Variants in SAMSN1 observed in about 807,000 individuals in gnomAD.
SAMSN1 encodes the protein SAM domain, SH3 domain and nuclear localization signals 1, also known as SAM domain-containing protein SAMSN-1.
A neutral mutation model predicts 42.0 loss-of-function variants in SAMSN1; 31 were observed. That is an observed-to-expected ratio of 0.74 (90% CI 0.55 to 1.00). SAMSN1 has a LOEUF of 1.00. Among genes scored for constraint, SAMSN1 ranks in the 50% least tolerant of loss-of-function variants. SAMSN1 has a pLI of 0.00. For synonymous variants in SAMSN1, 178 were observed against 151.9 expected (o/e 1.17, Z -1.26); for missense variants, 464 against 439.4 (o/e 1.06, Z -0.50).
At chr21:14,609,928 C>A (rs1401653876) in intron 4 of SAMSN1, among the ~76,000 whole-genome samples, 1 of 152,156 alleles carries the variant, frequency 6.6e-6, no homozygotes, top group Admixed American at 6.6e-5. Context: ...ATTTCCTATG[C>A]CTGTCTTTAC....
chr21:14,561,009 AAG>A (rs1980931216), intron 2 of SAMSN1, among the ~76,000 whole-genome samples: 1 of 152,188 alleles, frequency 6.6e-6, no homozygotes, highest in South Asian at 2.1e-4. Context: ...GAACACTGAT[AAG>A]ATAGACACAG....
intron 6 of SAMSN1, among the ~76,000 whole-genome samples, chr21:14,500,185 A>T (rs1987088017): frequency 6.6e-6 from 1 of 152,020 alleles, no homozygotes; most frequent in East Asian, 1.9e-4. Context: ...TCACTTTTTT[A>T]GACTTACTTT....
intron 1 of SAMSN1, among the ~76,000 whole-genome samples, chr21:14,582,653 A>G (rs1243895165): frequency 6.6e-6 from 1 of 152,134 alleles, no homozygotes; most frequent in Admixed American, 6.5e-5. Flanking sequence ...AAAGCAAGTT[A>G]TTTTGCTATA....
At chr21:14,488,329 C>A (rs1178384028) in intron 7 of SAMSN1, among the ~76,000 whole-genome samples, 1 of 152,138 alleles carries the variant, frequency 6.6e-6, no homozygotes, top group Non-Finnish European at 1.5e-5. Context: ...ACATTGATAT[C>A]CTAAACAAGA....
chr21:14,545,638 C>T (rs1398890971), intron 1 of SAMSN1, among the ~76,000 whole-genome samples: 1 of 151,960 alleles, frequency 6.6e-6, no homozygotes, highest in Admixed American at 6.6e-5. Flanking sequence ...TGTTTTGATG[C>T]TTCTCAAAAC....
upstream of SAMSN1, among the ~76,000 whole-genome samples, chr21:14,586,924 T>G (rs1981937139): frequency 6.6e-6 from 1 of 152,188 alleles, no homozygotes; most frequent in South Asian, 2.1e-4. Context: ...AAAGCTGGAA[T>G]TTCTGGAAGA....
intron 2 of SAMSN1, among the ~76,000 whole-genome samples, chr21:14,625,532 C>T (rs1466379521): frequency 6.6e-6 from 1 of 152,156 alleles, no homozygotes; most frequent in Non-Finnish European, 1.5e-5. Flanking sequence ...TTCACAATTG[C>T]TTCAAAGAGA....
rs1276615131 is a variant in SAMSN1, at chr21:14,577,271, TATATATATATATA to T, written c.261+4852_261+4864del. ...ATATATATATATATATATATATATATATATATATATATATTTTTTTTTTAGAAGAGACAGGGTT... is the reference window on the plus strand; with the variant it reads ...ATATATATATATATATATATATATATTTTTTTTTTTAGAAGAGACAGGGTT... On this transcript the variant is annotated intron_variant, in intron 2 of 8. Transcript: ENST00000285670. Among the ~76,000 whole-genome samples the T allele has an allele frequency of 2.0e-3, 107 of 52,948 alleles. 13 individuals are homozygous for T. Among genetic ancestry groups the T allele is most frequent in the East Asian group, 0.018 (46 of 2,506 alleles). 34.7% of individuals were successfully genotyped at this position (52,948 alleles called of 152,430 possible).
At chr21:14,487,183 C>T (rs913997436) in intron 7 of SAMSN1, among the ~76,000 whole-genome samples, 3 of 152,168 alleles carry the variant, frequency 2.0e-5, no homozygotes, top group Non-Finnish European at 2.9e-5. Flanking sequence ...GGGACAAGAA[C>T]TCTGCCTACA....
chr21:14,520,389 A>T (rs1442663031), intron 2 of SAMSN1, among the ~76,000 whole-genome samples: 1 of 152,234 alleles, frequency 6.6e-6, no homozygotes, highest in Non-Finnish European at 1.5e-5. Flanking sequence ...AATAATGTGT[A>T]TAAATACAAT....
chr21:14,529,607 C>T (rs577778929), intron 1 of SAMSN1, among the ~76,000 whole-genome samples: 4 of 152,180 alleles, frequency 2.6e-5, no homozygotes, highest in South Asian at 2.1e-4. Flanking sequence ...AAGAATCAAC[C>T]GTGAGAGAAA....
intron 4 of SAMSN1, among the ~76,000 whole-genome samples, chr21:14,611,711 A>G (rs544043970): frequency 7.9e-4 from 120 of 152,334 alleles, no homozygotes; most frequent in Middle Eastern, 6.8e-3. Flanking sequence ...CCCTGATAGG[A>G]TCCAGCGCCT....
At chr21:14,583,657 T>A (rs1473032684), upstream of SAMSN1, 1 of 717,302 alleles carries the variant, frequency 1.4e-6, no homozygotes, top group Non-Finnish European at 2.6e-6. Flanking sequence ...TACGGAGGTT[T>A]ATTAATGTCG....
intron 2 of SAMSN1, among the ~76,000 whole-genome samples, chr21:14,633,195 CTACACACACACACA>C (rs991173267): frequency 1.4e-4 from 22 of 152,028 alleles, no homozygotes; most frequent in African/African-American, 5.1e-4. Context: ...CTCTCTCTCT[CTACACACACACACA>C]TACACACACA....
intron 2 of SAMSN1, among the ~76,000 whole-genome samples, chr21:14,629,962 G>C (rs1983286953): frequency 6.6e-6 from 1 of 152,110 alleles, no homozygotes; most frequent in African/African-American, 2.4e-5. Flanking sequence ...GTTTTAGAAA[G>C]GGAAAGAACA....
intron 7 of SAMSN1, chr21:14,591,592 C>T (rs1982087312): frequency 6.6e-6 from 1 of 152,066 alleles, no homozygotes; most frequent in Non-Finnish European, 1.5e-5. Context: ...GTAGATGTGT[C>T]ATATGAGAAC....
At chr21:14,607,701 C>T (rs1451558113) in intron 5 of SAMSN1, among the ~76,000 whole-genome samples, 1 of 152,140 alleles carries the variant, frequency 6.6e-6, no homozygotes, top group African/African-American at 2.4e-5. Flanking sequence ...TTCAGTGTAG[C>T]TATAATAGAA....
intron 1 of SAMSN1, among the ~76,000 whole-genome samples, chr21:14,530,332 A>AG (rs1310687552): frequency 3.2e-5 from 4 of 125,314 alleles, no homozygotes; most frequent in Non-Finnish European, 7.3e-5. Context: ...AAAAAAAAAA[A>AG]AAAAGAAAGA....
At chr21:14,488,106 C>T (rs1292600012) in intron 7 of SAMSN1, among the ~76,000 whole-genome samples, 3 of 151,988 alleles carry the variant, frequency 2.0e-5, no homozygotes, top group Middle Eastern at 3.2e-3. Context: ...ATGAAATGAG[C>T]CAGCTCTGTG....
Sources: allele counts gnomAD v4.1 joint callset (sites outside exome capture counted in the v4.1 genomes callset), GRCh38; gene constraint gnomAD v4.1.1; transcripts MANE v1.5; gene names NCBI Gene and HGNC (gene_info 2026-07-23, HGNC 2026-07-21).